Variants in IMPA2 observed in about 807,000 individuals in gnomAD.
IMPA2 encodes the protein IMP 2.
A neutral mutation model predicts 35.1 loss-of-function variants in IMPA2; 32 were observed. The ratio of observed to expected loss-of-function variants is 0.91; its 90% confidence interval spans 0.69 to 1.23. IMPA2 has a LOEUF of 1.23. IMPA2 is among the 50% of genes most tolerant of loss of function. The pLI is 0.00. For missense variants in IMPA2, 334 were observed against 387.6 expected, an observed-to-expected ratio of 0.86 and a Z score of 1.16; for synonymous variants, 135 against 160.6, an observed-to-expected ratio of 0.84 and a Z score of 1.20.
In IMPA2 at chr18:12,030,537, G is replaced by A. The variant is rs1285896229; in HGVS notation, c.*79G>A. Reference sequence around the variant, plus strand: ...TGGGGAGGTGGCCCTCGTGGCCCACGCTCCATGCCAGTGGCTCACGCTCTG... The same window carrying A: ...TGGGGAGGTGGCCCTCGTGGCCCACACTCCATGCCAGTGGCTCACGCTCTG... On this transcript the variant is annotated 3_prime_UTR_variant, in exon 8 of 8. Coordinates refer to ENST00000269159, the MANE Select transcript of IMPA2 (RefSeq NM_014214.3). 9 of 1,110,636 alleles carry A rather than the reference G, an allele frequency of 8.1e-6. No individual in the cohort carries two copies. Among genetic ancestry groups the A allele is most frequent in the South Asian group, 5.1e-5 (4 of 77,818 alleles). 68.8% of individuals were successfully genotyped at this position (1,110,636 alleles called of 1,614,324 possible).
At chr18:11,985,147 CAAAAAAAAAA>C (rs60194371) in intron 1 of IMPA2, among the ~76,000 whole-genome samples, 3 of 80,558 alleles carry the variant, frequency 3.7e-5, no homozygotes, top group Admixed American at 1.3e-4. Context: ...AACTCTGTCT[CAAAAAAAAAA>C]AAAAAAAAAA....
intron 5 of IMPA2, among the ~76,000 whole-genome samples, chr18:12,023,028 C>G (rs950459763): frequency 2.8e-5 from 4 of 145,418 alleles, no homozygotes; most frequent in Admixed American, 1.4e-4. Flanking sequence ...CTCCTGGCCT[C>G]AAATGATCTA....
At chr18:11,984,910 G>A (rs1424740112) in intron 1 of IMPA2, among the ~76,000 whole-genome samples, 3 of 150,214 alleles carry the variant, frequency 2.0e-5, no homozygotes, top group South Asian at 2.1e-4. Context: ...GGAGTTTGCA[G>A]TGAGTAGAGA....
intron 2 of IMPA2, among the ~76,000 whole-genome samples, chr18:12,007,629 TTCTTTCTTTC>T (rs1243024110): frequency 2.2e-4 from 1 of 4,450 alleles, no homozygotes; most frequent in Non-Finnish European, 5.4e-4. Flanking sequence ...TTTTTCTTTC[TTCTTTCTTTC>T]TTTCTTTCTT....
At chr18:12,028,740 C>G (rs1907952936) in intron 6 of IMPA2, 102 bp from the exon 7 acceptor site, 1 of 1,333,622 alleles carries the variant, frequency 7.5e-7, no homozygotes, top group East Asian at 2.4e-5. Context: ...TCATTTTTCA[C>G]TAGGGAAAAT....
At position 12,010,187 on chromosome 18, in the gene IMPA2, G is replaced by A. The variant is rs1907395055; in HGVS notation, c.335+200G>A. 1.6e-5 allele frequency: 8 copies of A among 500,654 alleles called. No individual in the cohort carries two copies. The South Asian group carries it at 2.4e-4, about 15-fold the overall frequency. The allele number at this position is 500,654 out of a possible 1,614,324, so 31.0% of individuals were successfully genotyped here. On this transcript the variant is annotated intron_variant, in intron 3 of 7. Coordinates refer to ENST00000269159, the MANE Select transcript of IMPA2 (RefSeq NM_014214.3). The surrounding 1 kb of genome is among the most constrained non-coding windows in gnomAD (Gnocchi z 4.8). ...CGTTTGTGAGAGGCTCTTGGAGTAT[G>A]TTAGGAAATCTGCACTTGTTTAAAA...
intron 2 of IMPA2, among the ~76,000 whole-genome samples, chr18:11,999,476 TAC>T (rs2143790781): frequency 6.6e-6 from 1 of 152,388 alleles, no homozygotes; most frequent in East Asian, 1.9e-4. Context: ...TGCACCCCTG[TAC>T]TCAACCATTT....
At chr18:12,030,240 T>C in intron 7 of IMPA2, 103 bp from the exon 8 acceptor site, 1 of 810,554 alleles carries the variant, frequency 1.2e-6, no homozygotes, top group South Asian at 1.6e-5. Flanking sequence ...CACGGTTCCA[T>C]GTGCCATTTC....
At chr18:12,019,407 C>T (rs1907667805) in intron 5 of IMPA2, among the ~76,000 whole-genome samples, 1 of 151,712 alleles carries the variant, frequency 6.6e-6, no homozygotes, top group African/African-American at 2.4e-5. Context: ...GGCACGCACC[C>T]CATGTCCGGC....
Position 12,010,777 on chromosome 18 carries a change from C to G in IMPA2, c.335+790C>G, listed in dbSNP as rs1041416798. 6.6e-6 allele frequency among the ~76,000 whole-genome samples: 1 copy of G among 152,172 alleles called. No individual in the cohort carries two copies. The highest frequency in any genetic ancestry group is 1.5e-5 in the Non-Finnish European group (1 of 68,038). ...CTAAGCAGGAAGGGTGAGCAGAGCCCGGGTGTGGGCTCCTTTATGATCTGC... is the reference window on the plus strand; with the variant it reads ...CTAAGCAGGAAGGGTGAGCAGAGCCGGGGTGTGGGCTCCTTTATGATCTGC... On this transcript the variant is annotated intron_variant, in intron 3 of 7. Transcript: ENST00000269159. This position sits in a 1 kb window ranked among gnomAD's most constrained non-coding sequence, Gnocchi z 4.8.
intron 5 of IMPA2, among the ~76,000 whole-genome samples, chr18:12,022,941 ATTTTTTTTTTTTT>A (rs35737614): frequency 4.9e-5 from 4 of 81,672 alleles, no homozygotes; most frequent in African/African-American, 1.8e-4. Context: ...CGCCTGCCTA[ATTTTTTTTTTTTT>A]TTTTTTTTTT....
rs143374466 is a variant in IMPA2, at chr18:12,022,133, T to C, written c.491-5910T>C. On this transcript the variant is annotated intron_variant, in intron 5 of 7. Coordinates refer to ENST00000269159, the MANE Select transcript of IMPA2 (RefSeq NM_014214.3). ...CAATGTTGTACAATCATCAGCACTA[T>C]ATAATCTCCAAAATGTTTGTTCCTA... Among the ~76,000 whole-genome samples, 456 of 152,334 alleles carry C rather than the reference T, an allele frequency of 3.0e-3. 2 individuals are homozygous for C. Among genetic ancestry groups the C allele is most frequent in the Admixed American group, 8.2e-3 (126 of 15,288 alleles).
chr18:12,029,938 C>T (rs1908000116), intron 7 of IMPA2, among the ~76,000 whole-genome samples: 1 of 152,244 alleles, frequency 6.6e-6, no homozygotes, highest in African/African-American at 2.4e-5. Context: ...GCCTCAGCCC[C>T]ACCCAGACCT....
At chr18:12,023,793 A>G (rs1907801291) in intron 5 of IMPA2, among the ~76,000 whole-genome samples, 1 of 152,222 alleles carries the variant, frequency 6.6e-6, no homozygotes, top group African/African-American at 2.4e-5. Context: ...TTTACTGCTC[A>G]GAGAAAATCA....
intron 5 of IMPA2, among the ~76,000 whole-genome samples, chr18:12,016,703 G>A (rs1406512755): frequency 1.3e-5 from 2 of 152,070 alleles, no homozygotes; most frequent in South Asian, 4.1e-4. Flanking sequence ...ACAGGTGTGA[G>A]CCACCACACC....
At position 11,981,666 on chromosome 18, in the gene IMPA2, C is replaced by T. The variant is rs1906501391; in HGVS notation, c.-4C>T. 1 of 1,229,052 alleles carries T rather than the reference C, an allele frequency of 8.1e-7. No homozygotes were observed. The highest frequency in any genetic ancestry group is 4.0e-5 in the South Asian group (1 of 24,962). 76.1% of individuals were successfully genotyped at this position (1,229,052 alleles called of 1,614,324 possible). A position where few individuals can be genotyped will look rare whatever the true frequency, so the allele number is the denominator to read the frequency against. ...TGGAGGTGGAGGGGCCCGGCGAGGCCGCGATGAAGCCGAGCGGCGAGGACC... is the reference window on the plus strand; with the variant it reads ...TGGAGGTGGAGGGGCCCGGCGAGGCTGCGATGAAGCCGAGCGGCGAGGACC... On this transcript the variant is annotated 5_prime_UTR_variant, in exon 1 of 8. Coordinates refer to ENST00000269159, the MANE Select transcript of IMPA2 (RefSeq NM_014214.3).
chr18:12,028,672 G>A (rs1243662418), intron 6 of IMPA2, 170 bp from the exon 7 acceptor site: 6 of 746,726 alleles, frequency 8.0e-6, no homozygotes, highest in Non-Finnish European at 1.3e-5. Context: ...GAGGCCTGTT[G>A]GTTGGTGGCT....
intron 7 of IMPA2, 61 bp from the exon 8 acceptor site, chr18:12,030,282 C>A: frequency 1.6e-6 from 2 of 1,280,224 alleles, no homozygotes; most frequent in Non-Finnish European, 2.3e-6. Context: ...TAAGTTGTTA[C>A]ACAACATTGT....
At chr18:12,014,202 GT>G in intron 4 of IMPA2, 62 bp from the exon 5 acceptor site, 2 of 1,158,802 alleles carry the variant, frequency 1.7e-6, no homozygotes. Context: ...GAATAACAAT[GT>G]TTTTTCCCAC....
Sources: allele counts gnomAD v4.1 joint callset (sites outside exome capture counted in the v4.1 genomes callset), GRCh38; gene constraint gnomAD v4.1.1; non-coding constraint Gnocchi (gnomAD v3.1); transcripts MANE v1.5; gene names NCBI Gene and HGNC (gene_info 2026-07-23, HGNC 2026-07-21).